PLPP4: variants seen among roughly 807,000 people sequenced by gnomAD.
PLPP4 encodes the protein phospholipid phosphatase 4, also known as diacylglycerol pyrophosphate like 2.
Under a neutral mutation model 32.2 loss-of-function variants are expected in PLPP4, and 20 were observed. The observed-to-expected ratio is 0.62, with a 90% CI of 0.44 to 0.90. The LOEUF (loss-of-function observed/expected upper bound fraction) is 0.90. PLPP4 is among the 40% of genes least tolerant of loss of function. The pLI, the probability that PLPP4 is intolerant of heterozygous loss-of-function variation, is 0.00. For missense variants in PLPP4, 257 were observed against 353.1 expected (o/e 0.73, Z 2.18); for synonymous variants, 127 against 133.0 (o/e 0.95, Z 0.31).
At chr10:120,541,405 G>A (rs1847333182) in intron 5 of PLPP4, among the ~76,000 whole-genome samples, 1 of 152,222 alleles carries the variant, frequency 6.6e-6, no homozygotes, top group South Asian at 2.1e-4. Context: ...CCCAGATGAT[G>A]GGAGAGCCAG....
chr10:120,514,725 CA>C lies in PLPP4; in HGVS notation c.256+727del, dbSNP rs78366214. 6.1e-3 allele frequency among the ~76,000 whole-genome samples: 935 copies of C among 152,262 alleles called. 27 individuals carry two copies. The East Asian group carries it at 0.074, about 12-fold the overall frequency. The stretch of plus-strand genomic sequence containing the variant: ...AGCCAAAACGACTTGGCTTGTTTAG[CA>C]AACAAAATAAACTAACCTGTAGCCA... On this transcript the variant is annotated intron_variant, in intron 3 of 6. Transcript: ENST00000398250.
intron 5 of PLPP4, among the ~76,000 whole-genome samples, chr10:120,565,681 T>C (rs1172764380): frequency 6.6e-6 from 1 of 152,154 alleles, no homozygotes; most frequent in Non-Finnish European, 1.5e-5. Context: ...TTGGGATTCA[T>C]TGGGCTTTAT....
chr10:120,564,509 C>T (rs943433409), intron 5 of PLPP4, among the ~76,000 whole-genome samples: 2 of 151,758 alleles, frequency 1.3e-5, no homozygotes, highest in African/African-American at 4.8e-5. Context: ...TCTTATATGT[C>T]CTATCTAATA....
intron 3 of PLPP4, among the ~76,000 whole-genome samples, chr10:120,517,966 C>T (rs1564810217): frequency 6.6e-6 from 1 of 152,194 alleles, no homozygotes. Flanking sequence ...TATTATTCAA[C>T]AAAGCAGTGG....
chr10:120,530,579 C>G (rs1053055133), intron 5 of PLPP4, among the ~76,000 whole-genome samples: 1 of 152,104 alleles, frequency 6.6e-6, no homozygotes, highest in Non-Finnish European at 1.5e-5. Context: ...TTAGGTTGTT[C>G]TAGTTTGTTC....
intron 5 of PLPP4, among the ~76,000 whole-genome samples, chr10:120,527,521 C>G (rs1486379880): frequency 6.6e-6 from 1 of 152,190 alleles, no homozygotes; most frequent in Non-Finnish European, 1.5e-5. Flanking sequence ...ACGGTAACAT[C>G]TAGGCTGGTG....
intron 1 of PLPP4, 59 bp downstream of exon 1, chr10:120,457,420 C>T: frequency 6.8e-7 from 1 of 1,460,318 alleles, no homozygotes; most frequent in Middle Eastern, 1.7e-4. Context: ...CCGACCAAGC[C>T]TCTCTGTGCC....
intron 1 of PLPP4, among the ~76,000 whole-genome samples, chr10:120,499,628 A>G (rs561283418): frequency 3.8e-4 from 58 of 152,186 alleles, no homozygotes; most frequent in African/African-American, 1.3e-3. Context: ...TCAAGGTTTG[A>G]TCTACAGATC....
intron 5 of PLPP4, among the ~76,000 whole-genome samples, chr10:120,561,922 TC>T (rs1848455216): frequency 6.6e-6 from 1 of 152,196 alleles, no homozygotes. Context: ...ACCACATCTC[TC>T]CCATTGCTTT....
intron 5 of PLPP4, among the ~76,000 whole-genome samples, chr10:120,551,184 A>T (rs1334708281): frequency 6.6e-6 from 1 of 152,172 alleles, no homozygotes; most frequent in Non-Finnish European, 1.5e-5. Flanking sequence ...AATTAAAATC[A>T]CTTCATGACA....
chr10:120,473,087 G>A (rs976356222), intron 1 of PLPP4, among the ~76,000 whole-genome samples: 3 of 152,008 alleles, frequency 2.0e-5, no homozygotes, highest in African/African-American at 7.2e-5. Flanking sequence ...CTATACCTTT[G>A]ACTTTCTCTG....
chr10:120,591,616 TAA>T lies in PLPP4; in HGVS notation c.*2124_*2125del, dbSNP rs11320192. Among the ~76,000 whole-genome samples, 10 of 148,678 alleles carry T rather than the reference TAA, an allele frequency of 6.7e-5. No homozygotes were observed. The highest frequency in any genetic ancestry group is 2.1e-4 in the South Asian group (1 of 4,710). ...TAGGAAAAAGATCCTTTGCTACTGT[TAA>T]AAAAAAAAACCCCATCCTGATGTGG... On this transcript the variant is annotated 3_prime_UTR_variant, in exon 7 of 7. Transcript: ENST00000398250.
intron 1 of PLPP4, among the ~76,000 whole-genome samples, chr10:120,463,019 CTTTTTTT>C (rs71019771): frequency 3.4e-5 from 3 of 89,344 alleles, no homozygotes; most frequent in Non-Finnish European, 6.7e-5. Flanking sequence ...AAGTTTCTTT[CTTTTTTT>C]TTTTTTTTTT....
chr10:120,483,530 C>T (rs1410518262), intron 1 of PLPP4, among the ~76,000 whole-genome samples: 1 of 152,222 alleles, frequency 6.6e-6, no homozygotes, highest in Admixed American at 6.5e-5. Context: ...GTGGTCACCA[C>T]CATGGGCCTT....
chr10:120,528,222 C>G (rs1209105580), intron 5 of PLPP4, among the ~76,000 whole-genome samples: 1 of 152,070 alleles, frequency 6.6e-6, no homozygotes. Flanking sequence ...CTACAGGCGC[C>G]TGCCACCATG....
At chr10:120,573,536 CA>C (rs1849040560) in intron 5 of PLPP4, among the ~76,000 whole-genome samples, 1 of 152,166 alleles carries the variant, frequency 6.6e-6, no homozygotes, top group Non-Finnish European at 1.5e-5. Flanking sequence ...TATATTGTTA[CA>C]TAATCATGTG....
chr10:120,526,716 A>C (rs571143916), intron 5 of PLPP4, among the ~76,000 whole-genome samples: 2 of 152,136 alleles, frequency 1.3e-5, no homozygotes, highest in African/African-American at 4.8e-5. Context: ...TGGAAAGGGG[A>C]TGGTTTCCTG....
chr10:120,482,143 G>A (rs571284760), intron 1 of PLPP4, among the ~76,000 whole-genome samples: 4 of 152,328 alleles, frequency 2.6e-5, no homozygotes, highest in Non-Finnish European at 4.4e-5. Context: ...CCAGCAGAGT[G>A]AGGTGCTGCT....
chr10:120,491,859 A>C (rs1219051022), intron 1 of PLPP4, among the ~76,000 whole-genome samples: 1 of 152,210 alleles, frequency 6.6e-6, no homozygotes, highest in Non-Finnish European at 1.5e-5. Context: ...AACAACAAAC[A>C]TACAAGCAAA....
Sources: allele counts gnomAD v4.1 joint callset (sites outside exome capture counted in the v4.1 genomes callset), GRCh38; gene constraint gnomAD v4.1.1; transcripts MANE v1.5; gene names NCBI Gene and HGNC (gene_info 2026-07-23, HGNC 2026-07-21).